CHN1: variants seen among roughly 807,000 people sequenced by gnomAD.
CHN1 encodes the protein N-chimaerin.
Under a neutral mutation model 59.5 loss-of-function variants are expected in CHN1, and 37 were observed. The ratio of observed to expected loss-of-function variants is 0.62; its 90% CI spans 0.48 to 0.82. The LOEUF is 0.82. Among genes scored for constraint, CHN1 ranks in the 40% least tolerant of loss-of-function variants. CHN1 has a pLI of 0.00. For synonymous variants in CHN1, 206 were observed against 200.4 expected, an observed-to-expected ratio of 1.03 and a Z score of -0.24; for missense variants, 469 against 571.0, an observed-to-expected ratio of 0.82 and a Z score of 1.82.
At chr2:174,832,567 A>G (rs981300418) in intron 7 of CHN1, among the ~76,000 whole-genome samples, 3 of 152,034 alleles carry the variant, frequency 2.0e-5, no homozygotes, top group Non-Finnish European at 4.4e-5. Context: ...TCTTCAACCC[A>G]TGAGTTATTT....
intron 1 of CHN1, among the ~76,000 whole-genome samples, chr2:174,967,884 G>A (rs959669976): frequency 3.9e-5 from 6 of 152,166 alleles, no homozygotes; most frequent in African/African-American, 1.4e-4. Context: ...TTGTAGCACT[G>A]ACCTACTTGG....
At chr2:174,942,820 T>C in intron 3 of CHN1, among the ~76,000 whole-genome samples, 1 of 152,152 alleles carries the variant, frequency 6.6e-6, no homozygotes, top group African/African-American at 2.4e-5. Context: ...GAGGCCACGG[T>C]GGGTGGATCC....
chr2:174,923,899 T>C (rs1033314017), intron 3 of CHN1, among the ~76,000 whole-genome samples: 2 of 152,190 alleles, frequency 1.3e-5, no homozygotes, highest in Admixed American at 1.3e-4. Context: ...TAATTAAGAG[T>C]ATTTTTATAT....
intron 7 of CHN1, among the ~76,000 whole-genome samples, chr2:174,830,409 T>C (rs999132344): frequency 6.6e-6 from 1 of 152,174 alleles, no homozygotes; most frequent in African/African-American, 2.4e-5. Context: ...GGAGTATCTT[T>C]AGTATCAAGG....
intron 3 of CHN1, among the ~76,000 whole-genome samples, chr2:174,922,543 AT>A (rs1020884667): frequency 6.6e-6 from 1 of 151,990 alleles, no homozygotes; most frequent in Non-Finnish European, 1.5e-5. Context: ...ATTTTTAAAT[AT>A]TTTTTTGGTG....
chr2:174,822,411 T>C, intron 8 of CHN1, among the ~76,000 whole-genome samples: 1 of 152,210 alleles, frequency 6.6e-6, no homozygotes, highest in Non-Finnish European at 1.5e-5. Context: ...ATTGGGGTTG[T>C]AGCGTATTCC....
Position 174,887,314 on chromosome 2 carries a change from C to T in CHN1, c.261-9186G>A, listed in dbSNP as rs185320041. ...ATTAGATGAAAAAAAGAATTATCAACATAACAATAGTTACCACTTGTTGAT... is the reference window on the plus strand; with the variant it reads ...ATTAGATGAAAAAAAGAATTATCAATATAACAATAGTTACCACTTGTTGAT... On this transcript the variant is annotated intron_variant, in intron 5 of 12. Transcript: ENST00000409900. Among the ~76,000 whole-genome samples, 1,505 of 151,656 alleles carry T rather than the reference C, an allele frequency of 9.9e-3. 18 individuals are homozygous for T. The highest frequency in any genetic ancestry group is 0.012 in the Non-Finnish European group (832 of 67,984).
At chr2:174,945,217 G>T in intron 2 of CHN1, 2 of 470,078 alleles carry the variant, frequency 4.3e-6, no homozygotes, top group South Asian at 2.3e-5. Flanking sequence ...TCCATAATCT[G>T]GTCATTTATT....
chr2:174,885,280 A>T (rs1464975353), intron 5 of CHN1, among the ~76,000 whole-genome samples: 1 of 150,910 alleles, frequency 6.6e-6, no homozygotes, highest in Non-Finnish European at 1.5e-5. Flanking sequence ...GTCTCAAAAA[A>T]AAGAAAAAAA....
At chr2:174,944,228 T>C (rs1033778535) in intron 3 of CHN1, among the ~76,000 whole-genome samples, 2 of 152,238 alleles carry the variant, frequency 1.3e-5, no homozygotes, top group African/African-American at 2.4e-5. Context: ...GAATTTGGAC[T>C]GGTAAGTCAA....
chr2:174,944,327 T>C (rs1689762752), intron 3 of CHN1, among the ~76,000 whole-genome samples: 1 of 152,250 alleles, frequency 6.6e-6, no homozygotes, highest in Admixed American at 6.5e-5. Context: ...TAAGTGCCTG[T>C]TTCCTCACAG....
At chr2:174,928,561 G>A (rs1372096098) in intron 3 of CHN1, among the ~76,000 whole-genome samples, 2 of 152,204 alleles carry the variant, frequency 1.3e-5, no homozygotes. Flanking sequence ...ATTTTGAAAT[G>A]TATGTGCAAA....
chr2:174,831,737 T>A (rs1315052219), intron 7 of CHN1, among the ~76,000 whole-genome samples: 1 of 152,178 alleles, frequency 6.6e-6, no homozygotes, highest in Admixed American at 6.5e-5. Flanking sequence ...CCAAACTGAA[T>A]CATGCTCAAG....
chr2:174,840,415 C>T (rs1173454486), intron 7 of CHN1, among the ~76,000 whole-genome samples: 1 of 152,166 alleles, frequency 6.6e-6, no homozygotes, highest in East Asian at 1.9e-4. Flanking sequence ...ATCCTCCTGA[C>T]TTGGCCTCCC....
chr2:174,944,981 T>C (rs966736154), intron 2 of CHN1, 38 bp from the exon 3 acceptor site: 3 of 1,405,886 alleles, frequency 2.1e-6, no homozygotes, highest in Non-Finnish European at 2.0e-6. Context: ...CAATGTCCCT[T>C]ACATAGAACT....
intron 3 of CHN1, among the ~76,000 whole-genome samples, chr2:174,940,534 T>G (rs1056450980): frequency 1.6e-5 from 2 of 121,742 alleles, no homozygotes; most frequent in Admixed American, 1.5e-4. Flanking sequence ...CCCACCACTG[T>G]TTTTTTTTTA....
intron 6 of CHN1, chr2:174,847,587 GC>G: frequency 2.3e-6 from 3 of 1,299,224 alleles, no homozygotes; most frequent in South Asian, 1.4e-5. Flanking sequence ...ACCCTATGAA[GC>G]CCCTAGCAGG....
At chr2:174,847,203 G>T in intron 6 of CHN1, 1 of 1,479,510 alleles carries the variant, frequency 6.8e-7, no homozygotes, top group African/African-American at 1.4e-5. Flanking sequence ...GCTAACACAT[G>T]AGCATTCTGC....
intron 9 of CHN1, 56 bp downstream of exon 9, chr2:174,812,253 G>T (rs1023313027): frequency 1.3e-5 from 20 of 1,488,074 alleles, no homozygotes; most frequent in Non-Finnish European, 1.7e-5. Context: ...AAAGGCATCA[G>T]GATTGGTACT....
Sources: allele counts gnomAD v4.1 joint callset (sites outside exome capture counted in the v4.1 genomes callset), GRCh38; gene constraint gnomAD v4.1.1; transcripts MANE v1.5; gene names NCBI Gene and HGNC (gene_info 2026-07-23, HGNC 2026-07-21).